THSD4: variants seen among roughly 807,000 people sequenced by gnomAD.
THSD4 encodes thrombospondin type 1 domain containing 4.
Under a neutral mutation model 119.0 loss-of-function variants are expected in THSD4, and 69 were observed. The observed-to-expected ratio is 0.58, with a 90% CI of 0.48 to 0.71. The LOEUF is 0.71. Ranked by LOEUF, THSD4 falls within the 30% of genes least tolerant of loss-of-function variation. THSD4 has a pLI of 0.00. For synonymous variants in THSD4, 524 were observed against 540.4 expected (o/e 0.97, Z 0.42); for missense variants, 1,393 against 1,391.1 (o/e 1.00, Z -0.02).
intron 6 of THSD4, among the ~76,000 whole-genome samples, chr15:71,270,470 T>G (rs1178047420): frequency 3.3e-5 from 5 of 152,120 alleles, no homozygotes; most frequent in Non-Finnish European, 4.4e-5. Context: ...TATTGAGCAC[T>G]TACTATATTA....
chr15:71,304,694 G>A (rs758578535), intron 6 of THSD4, among the ~76,000 whole-genome samples: 1 of 152,104 alleles, frequency 6.6e-6, no homozygotes, highest in Non-Finnish European at 1.5e-5. Context: ...AGTTTCCAAT[G>A]TTCTCCAACC....
chr15:71,494,231 G>A (rs566723936), intron 7 of THSD4, among the ~76,000 whole-genome samples: 2 of 152,098 alleles, frequency 1.3e-5, no homozygotes, highest in Admixed American at 6.5e-5. Flanking sequence ...GAGCATCTGC[G>A]GGGAGGAACA....
At chr15:71,380,127 G>A (rs562412444) in intron 6 of THSD4, among the ~76,000 whole-genome samples, 3 of 152,080 alleles carry the variant, frequency 2.0e-5, no homozygotes, top group South Asian at 2.1e-4. Flanking sequence ...TTTCATTTTT[G>A]TTTACGTACT....
At chr15:71,216,789 C>A (rs111391506) in intron 4 of THSD4, among the ~76,000 whole-genome samples, 172 of 152,360 alleles carry the variant, frequency 1.1e-3, no homozygotes, top group African/African-American at 3.4e-3. Context: ...GCCGTAATAG[C>A]ATAGCTCCAT....
At chr15:71,492,928 T>G (rs1466314331) in intron 7 of THSD4, among the ~76,000 whole-genome samples, 1 of 151,690 alleles carries the variant, frequency 6.6e-6, no homozygotes, top group East Asian at 1.9e-4. Context: ...AATGAACTGT[T>G]GAAAAAGGGT....
At chr15:71,725,905 C>A (rs4777447) in intron 8 of THSD4, among the ~76,000 whole-genome samples, 3 of 151,298 alleles carry the variant, frequency 2.0e-5, no homozygotes, top group East Asian at 2.0e-4. Flanking sequence ...CCTCAGCCTC[C>A]TGAGTAGCTG....
chr15:71,665,790 G>A (rs142311628), intron 8 of THSD4, among the ~76,000 whole-genome samples: 176 of 152,182 alleles, frequency 1.2e-3, no homozygotes, highest in Admixed American at 1.8e-3. Context: ...CAGCTTTGTC[G>A]AAGATCAGAT....
At chr15:71,242,223 A>G (rs993596801) in intron 4 of THSD4, among the ~76,000 whole-genome samples, 1 of 152,166 alleles carries the variant, frequency 6.6e-6, no homozygotes, top group Non-Finnish European at 1.5e-5. Context: ...CAAAAAATAC[A>G]TGATTAGAAA....
intron 8 of THSD4, among the ~76,000 whole-genome samples, chr15:71,671,998 G>A (rs1258918254): frequency 6.6e-6 from 1 of 152,164 alleles, no homozygotes; most frequent in Non-Finnish European, 1.5e-5. Context: ...GAACTTTAAA[G>A]TAGTTTTTTC....
At chr15:71,488,435 A>G (rs1485432921) in intron 7 of THSD4, among the ~76,000 whole-genome samples, 1 of 152,202 alleles carries the variant, frequency 6.6e-6, no homozygotes, top group African/African-American at 2.4e-5. Flanking sequence ...CACGTCAGAA[A>G]ACTTAGACGT....
At chr15:71,332,639 T>C (rs1029252427) in intron 6 of THSD4, among the ~76,000 whole-genome samples, 6 of 152,142 alleles carry the variant, frequency 3.9e-5, no homozygotes, top group Non-Finnish European at 8.8e-5. Flanking sequence ...TAACATTTTA[T>C]GGCCCGATTG....
chr15:71,740,806 C>A (rs1182077601), intron 11 of THSD4, among the ~76,000 whole-genome samples: 1 of 152,208 alleles, frequency 6.6e-6, no homozygotes, highest in African/African-American at 2.4e-5. Context: ...ATCTGGCCAG[C>A]AAAGTCCTGC....
At chr15:71,576,222 T>TG (rs2049446606) in intron 7 of THSD4, among the ~76,000 whole-genome samples, 1 of 152,232 alleles carries the variant, frequency 6.6e-6, no homozygotes, top group Non-Finnish European at 1.5e-5. Flanking sequence ...AACCTGTGGT[T>TG]GAATAAGAGA....
chr15:71,496,587 G>C (rs982140262), intron 7 of THSD4, among the ~76,000 whole-genome samples: 1 of 152,106 alleles, frequency 6.6e-6, no homozygotes. Flanking sequence ...CAAAAAGTAC[G>C]TTACTCCCTG....
chr15:71,490,681 G>T (rs549828217), intron 7 of THSD4, among the ~76,000 whole-genome samples: 1 of 149,818 alleles, frequency 6.7e-6, no homozygotes, highest in Non-Finnish European at 1.5e-5. Flanking sequence ...GTGAGCCAAG[G>T]TCGCACCACT....
intron 7 of THSD4, among the ~76,000 whole-genome samples, chr15:71,569,773 C>T (rs950680355): frequency 1.3e-5 from 2 of 152,190 alleles, no homozygotes; most frequent in Admixed American, 1.3e-4. Context: ...TCGGGCAGAT[C>T]ACTTGAGGTC....
chr15:71,768,275 AC>A (rs952950012), intron 16 of THSD4, among the ~76,000 whole-genome samples: 8 of 148,668 alleles, frequency 5.4e-5, no homozygotes, highest in Middle Eastern at 3.4e-3. Context: ...CACAAAAAAA[AC>A]CAAAAAAAAA....
At chr15:71,412,545 G>T (rs769959416) in intron 7 of THSD4, among the ~76,000 whole-genome samples, 5 of 152,160 alleles carry the variant, frequency 3.3e-5, no homozygotes, top group Non-Finnish European at 7.3e-5. Flanking sequence ...GATTTAGCAG[G>T]TAAATGACTC....
At chr15:71,746,223 A>G (rs2141170187) in intron 12 of THSD4, among the ~76,000 whole-genome samples, 1 of 152,032 alleles carries the variant, frequency 6.6e-6, no homozygotes, top group South Asian at 2.1e-4. Context: ...AATAAAACTA[A>G]CCTTTGGAGG....
Sources: gnomAD v4.1 joint callset for allele counts (sites outside exome capture counted in the v4.1 genomes callset) on GRCh38, gnomAD v4.1.1 for gene constraint, MANE v1.5 for transcripts, NCBI Gene and HGNC (gene_info 2026-07-23, HGNC 2026-07-21) for gene names.